The following ANKS1B variants were observed in gnomAD, a reference collection of about 807,000 sequenced individuals.
ANKS1B encodes the protein ankyrin repeat and sterile alpha motif domain containing 1B.
A neutral mutation model predicts 148.3 loss-of-function variants in ANKS1B; 36 were observed. The ratio of observed to expected loss-of-function variants is 0.24; its 90% CI spans 0.19 to 0.32. ANKS1B has a LOEUF of 0.32. Ranked by LOEUF, ANKS1B falls within the 10% of genes least tolerant of loss-of-function variation. The pLI, the probability that ANKS1B is intolerant of heterozygous loss-of-function variation, is 1.00. For missense variants in ANKS1B, 1,157 were observed against 1,542.6 expected (o/e 0.75, Z 4.19); for synonymous variants, 542 against 560.8 (o/e 0.97, Z 0.47).
intron 17 of ANKS1B, among the ~76,000 whole-genome samples, chr12:98,908,316 T>A (rs2099782193): frequency 6.6e-6 from 1 of 152,248 alleles, no homozygotes; most frequent in Admixed American, 6.5e-5. Context: ...AGGACAAGAA[T>A]GTTGCTACTG....
chr12:98,850,433 G>A (rs1225734523), intron 17 of ANKS1B, among the ~76,000 whole-genome samples: 1 of 140,060 alleles, frequency 7.1e-6, no homozygotes, highest in Non-Finnish European at 1.5e-5. Context: ...ACAAAATGTA[G>A]TTGATGGAGA....
intron 1 of ANKS1B, among the ~76,000 whole-genome samples, chr12:99,883,787 G>T (rs1461988879): frequency 2.0e-5 from 3 of 152,058 alleles, no homozygotes; most frequent in East Asian, 1.9e-4. Context: ...GCATTGGCAG[G>T]CACCTGTAAT....
chr12:99,382,725 G>C (rs867402469), intron 12 of ANKS1B, among the ~76,000 whole-genome samples: 1 of 140,120 alleles, frequency 7.1e-6, no homozygotes, highest in South Asian at 2.2e-4. Context: ...AAAAGAGAGA[G>C]AGAGAGAGAG....
chr12:99,930,550 T>C (rs559677660), intron 1 of ANKS1B, among the ~76,000 whole-genome samples: 1 of 152,194 alleles, frequency 6.6e-6, no homozygotes, highest in Non-Finnish European at 1.5e-5. Flanking sequence ...ACAGGAGTGG[T>C]GAGAGAGGGC....
intron 14 of ANKS1B, among the ~76,000 whole-genome samples, chr12:99,230,811 TTAAG>T (rs1566686727): frequency 1.3e-5 from 2 of 152,106 alleles, no homozygotes; most frequent in Non-Finnish European, 2.9e-5. Flanking sequence ...TATCCTATTA[TTAAG>T]TGATTCCTTA....
At chr12:98,769,165 C>CTTTTTTTATT (rs2098532590) in intron 25 of ANKS1B, among the ~76,000 whole-genome samples, 1 of 41,214 alleles carries the variant, frequency 2.4e-5, no homozygotes, top group East Asian at 1.3e-3. Context: ...GTCTTCTTTA[C>CTTTTTTTATT]TTTTTTTTTT....
intron 14 of ANKS1B, among the ~76,000 whole-genome samples, chr12:99,195,624 T>C (rs2081297096): frequency 6.6e-6 from 1 of 151,636 alleles, no homozygotes; most frequent in Admixed American, 6.6e-5. Flanking sequence ...CTTGTAGGAG[T>C]TGGGTCAAAA....
chr12:99,432,987 C>T (rs750198897), intron 11 of ANKS1B, among the ~76,000 whole-genome samples: 2 of 152,104 alleles, frequency 1.3e-5, no homozygotes, highest in African/African-American at 4.8e-5. Context: ...AGGTGAATAA[C>T]GTGATCTGAT....
At chr12:99,949,277 G>A (rs377228955) in intron 1 of ANKS1B, among the ~76,000 whole-genome samples, 1 of 152,134 alleles carries the variant, frequency 6.6e-6, no homozygotes, top group Non-Finnish European at 1.5e-5. Context: ...AGTTTCTTAG[G>A]GAAGCAGTTA....
At chr12:99,718,222 CT>C (rs2057658430) in intron 8 of ANKS1B, among the ~76,000 whole-genome samples, 1 of 152,092 alleles carries the variant, frequency 6.6e-6, no homozygotes, top group Admixed American at 6.5e-5. Flanking sequence ...TTAAGCACTC[CT>C]TTTTAGTTAT....
chr12:99,121,942 G>T (rs1243989610), intron 15 of ANKS1B, among the ~76,000 whole-genome samples: 1 of 152,154 alleles, frequency 6.6e-6, no homozygotes, highest in African/African-American at 2.4e-5. Context: ...TGAACAGTTG[G>T]TAAGGTTTTA....
At chr12:99,709,334 A>G (rs1455141771) in intron 8 of ANKS1B, among the ~76,000 whole-genome samples, 6 of 152,188 alleles carry the variant, frequency 3.9e-5, no homozygotes, top group Non-Finnish European at 7.4e-5. Flanking sequence ...TTTTAATTCA[A>G]AAGACTCTGA....
At chr12:99,816,528 T>TTTAAAA (rs1244283022) in intron 2 of ANKS1B, among the ~76,000 whole-genome samples, 1 of 151,590 alleles carries the variant, frequency 6.6e-6, no homozygotes, top group South Asian at 2.1e-4. Context: ...ATGTGCTTAT[T>TTTAAAA]TTAAAATTAA....
At chr12:99,740,690 C>G (rs1020052639) in intron 8 of ANKS1B, among the ~76,000 whole-genome samples, 4 of 152,110 alleles carry the variant, frequency 2.6e-5, no homozygotes, top group Non-Finnish European at 5.9e-5. Flanking sequence ...CATTTCCAAC[C>G]CAGGTACCTG....
intron 25 of ANKS1B, among the ~76,000 whole-genome samples, chr12:98,760,297 C>T (rs7300453): frequency 5.4e-4 from 82 of 151,686 alleles, no homozygotes; most frequent in African/African-American, 2.0e-3. Flanking sequence ...CAGGGTCTTG[C>T]TCTGTTGTCC....
chr12:99,711,629 A>T (rs555893261), intron 8 of ANKS1B, among the ~76,000 whole-genome samples: 2 of 152,324 alleles, frequency 1.3e-5, no homozygotes, highest in East Asian at 3.9e-4. Context: ...GAGAAATGCA[A>T]ATCAAAACCA....
chr12:99,593,853 T>C (rs755926881), intron 9 of ANKS1B, among the ~76,000 whole-genome samples: 2 of 152,090 alleles, frequency 1.3e-5, no homozygotes, highest in Non-Finnish European at 2.9e-5. Flanking sequence ...AAGAAAAGCA[T>C]TCTTATTTAT....
chr12:99,836,894 C>T (rs376309854), intron 1 of ANKS1B, among the ~76,000 whole-genome samples: 1 of 152,186 alleles, frequency 6.6e-6, no homozygotes. Flanking sequence ...TCATAGGTAA[C>T]AATAATTCCA....
At chr12:99,171,490 A>T (rs922203936) in intron 14 of ANKS1B, among the ~76,000 whole-genome samples, 5 of 152,184 alleles carry the variant, frequency 3.3e-5, no homozygotes, top group Non-Finnish European at 7.4e-5. Flanking sequence ...AAATACTCCA[A>T]GATTATGGTC....
Sources: gnomAD v4.1 joint callset for allele counts (sites outside exome capture counted in the v4.1 genomes callset) on GRCh38, gnomAD v4.1.1 for gene constraint, MANE v1.5 for transcripts, NCBI Gene and HGNC (gene_info 2026-07-23, HGNC 2026-07-21) for gene names.